Variants in THUMPD1 observed in about 807,000 individuals in gnomAD.
THUMPD1 encodes THUMP domain 1 NAT10 acetyltransferase adaptor.
In THUMPD1, 31 loss-of-function variants were observed where a neutral mutation model predicts 31.6. The observed-to-expected ratio is 0.98, with a 90% CI of 0.74 to 1.32. The LOEUF is 1.32. Ranked by LOEUF, THUMPD1 falls within the 40% of genes most tolerant of loss-of-function variation. The probability of loss-of-function intolerance (pLI) is 0.00; values close to 1 mark genes in which losing one functional copy is unlikely to be tolerated. For synonymous variants in THUMPD1, 166 were observed against 158.2 expected, an observed-to-expected ratio of 1.05 and a Z score of -0.37; for missense variants, 446 against 427.8, an observed-to-expected ratio of 1.04 and a Z score of -0.38.
Position 20,737,299 on chromosome 16 carries a change from C to G in THUMPD1, c.656-13G>C. ...GTGCACACTATTCCTGTAACAAAAA[C>G]AGAAAAACACATAGCTGAGGAGGAT... On this transcript the variant is annotated splice_polypyrimidine_tract_variant and intron_variant, in intron 3 of 3. Transcript: ENST00000396083. 6.3e-7 allele frequency: 1 copy of G among 1,592,776 alleles called. No homozygotes were observed.
At position 20,736,969 on chromosome 16, in the gene THUMPD1, G is replaced by A; in HGVS notation, c.973C>T (p.Pro325Ser). 1 of 1,614,104 alleles carries A rather than the reference G, an allele frequency of 6.2e-7. No homozygotes were observed. Among genetic ancestry groups the A allele is most frequent in the Middle Eastern group, 1.6e-4 (1 of 6,062 alleles). ...ELGQTKPTSN[P>S]QVVNEGGAKP... ...GCTCCTCCCTCATTTACCACCTGTG[G>A]ATTAGACGTTGGTTTTGTCTGCCCC... Residue 325 changes from proline (P) to serine (S), a missense_variant, in exon 4 of 4, where the codon CCA becomes TCA. By Grantham distance (74) the Pro-to-Ser change is moderately conservative (BLOSUM62 -1). Transcript: ENST00000396083.
At position 20,736,137 on chromosome 16, in the gene THUMPD1, A is replaced by G. The variant is rs1329278186; in HGVS notation, c.*743T>C. The G allele has an allele frequency of 1.3e-5, 2 of 152,360 alleles. No individual in the cohort carries two copies. Among genetic ancestry groups the G allele is most frequent in the East Asian group, 1.9e-4 (1 of 5,184 alleles). The allele number at this position is 152,360 out of a possible 1,614,324, so 9.4% of individuals were successfully genotyped here. ...TGTCACAGACAATGCACAATGGGACAGGAGAGCTTGGACTGAGTCCACATA... is the reference window on the plus strand; with the variant it reads ...TGTCACAGACAATGCACAATGGGACGGGAGAGCTTGGACTGAGTCCACATA... On this transcript the variant is annotated 3_prime_UTR_variant, in exon 4 of 4. Coordinates refer to ENST00000396083, the MANE Select transcript of THUMPD1 (RefSeq NM_017736.5).
chr16:20,735,921 T>C lies in THUMPD1; in HGVS notation c.*959A>G, dbSNP rs1374975870. On this transcript the variant is annotated 3_prime_UTR_variant, in exon 4 of 4. Transcript: ENST00000396083. Reference sequence around the variant, plus strand: ...AATGTTATTAGATTCTCACCAACCATGCATATTTTCCTTTCCTGAGATAAG... The same window carrying C: ...AATGTTATTAGATTCTCACCAACCACGCATATTTTCCTTTCCTGAGATAAG... The C allele has an allele frequency of 2.0e-5, 3 of 152,096 alleles. No homozygotes were observed. Among genetic ancestry groups the C allele is most frequent in the Non-Finnish European group, 2.9e-5 (2 of 68,034 alleles). 9.4% of individuals were successfully genotyped at this position (152,096 alleles called of 1,614,324 possible).
In THUMPD1 at chr16:20,734,116, ATATAAAAGACAATT is replaced by A. The variant is rs2079848630; in HGVS notation, c.*2750_*2763del. The A allele has an allele frequency of 8.6e-6, 1 of 115,942 alleles. No individual in the cohort carries two copies. Among genetic ancestry groups the A allele is most frequent in the Admixed American group, 8.1e-5 (1 of 12,410 alleles). The allele number at this position is 115,942 out of a possible 1,614,324, so 7.2% of individuals were successfully genotyped here. A position where few individuals can be genotyped will look rare whatever the true frequency, so the allele number is the denominator to read the frequency against. On this transcript the variant is annotated 3_prime_UTR_variant, in exon 4 of 4. Transcript: ENST00000396083. ...ACCGATTCTTACCAAATACAAATAA[ATATAAAAGACAATT>A]TAAAAACAAACTGTATAATCAAAAT...
At chr16:20,741,201 C>T (rs959185349) in intron 1 of THUMPD1, among the ~76,000 whole-genome samples, 1 of 152,280 alleles carries the variant, frequency 6.6e-6, no homozygotes, top group South Asian at 2.1e-4. Context: ...GCTATCATCA[C>T]GCCACTGCAC....
intron 1 of THUMPD1, 30 bp downstream of exon 1, chr16:20,741,479 C>CAGGGGGG: frequency 7.5e-7 from 1 of 1,329,524 alleles, no homozygotes; most frequent in Non-Finnish European, 9.8e-7. Flanking sequence ...GCCTGGCAGC[C>CAGGGGGG]GGCCCGCCCG....
chr16:20,737,593 A>G, intron 3 of THUMPD1, 115 bp downstream of exon 3: 1 of 1,056,146 alleles, frequency 9.5e-7, no homozygotes, highest in Non-Finnish European at 1.3e-6. Context: ...GAACATTTTA[A>G]TATATTTGTT....
intron 1 of THUMPD1, among the ~76,000 whole-genome samples, chr16:20,739,869 C>T (rs2079902372): frequency 6.6e-6 from 1 of 151,298 alleles, no homozygotes; most frequent in Admixed American, 6.6e-5. Context: ...GGAATTCCCG[C>T]AGACTATAGA....
At position 20,735,357 on chromosome 16, in the gene THUMPD1, C is replaced by T. The variant is rs1001731792; in HGVS notation, c.*1523G>A. ...TGCAGGAGGTTTATGTGCTGTCTGT[C>T]CAGGTTTTTGTTTTGGGTGTTTTTT... On this transcript the variant is annotated 3_prime_UTR_variant, in exon 4 of 4. Transcript: ENST00000396083. The T allele has an allele frequency of 6.9e-6, 1 of 145,190 alleles. No individual in the cohort carries two copies. Among genetic ancestry groups the T allele is most frequent in the African/African-American group, 2.5e-5 (1 of 39,970 alleles). 9.0% of individuals were successfully genotyped at this position (145,190 alleles called of 1,614,324 possible).
Position 20,741,490 on chromosome 16 carries a change from C to A in THUMPD1, c.231+19G>T. ...CAAGGCCTGGCAGCCGGCCCGCCCG[C>A]CCACCCCGGGACCGGTACCTTTTCT... On this transcript the variant is annotated intron_variant, in intron 1 of 3. Transcript: ENST00000396083. 4.7e-6 allele frequency: 1 copy of A among 210,614 alleles called. No homozygotes were observed. Among genetic ancestry groups the A allele is most frequent in the Non-Finnish European group, 9.5e-6 (1 of 105,090 alleles). The allele number at this position is 210,614 out of a possible 1,614,324, so 13.0% of individuals were successfully genotyped here. A position where few individuals can be genotyped will look rare whatever the true frequency, so the allele number is the denominator to read the frequency against.
rs1250850064 is a variant in THUMPD1, at chr16:20,738,859, G to T, written c.406+38C>A. 7.5e-6 allele frequency: 12 copies of T among 1,605,636 alleles called. No individual in the cohort carries two copies. In the Admixed American group the frequency reaches 1.2e-4, roughly 16 times the overall value. ...CCCTGAGACAGGAAGATACCCAGAT[G>T]TTATGAGATCGATAATCTTAGCAAG... On this transcript the variant is annotated intron_variant, in intron 2 of 3. Transcript: ENST00000396083.
At chr16:20,738,723 T>A in intron 2 of THUMPD1, 174 bp downstream of exon 2, 1 of 692,588 alleles carries the variant, frequency 1.4e-6, no homozygotes, top group Non-Finnish European at 2.4e-6. Context: ...CAATGCTACG[T>A]CCACCACCCC....
At chr16:20,741,481 G>GGGGGGGGGGGGGGGCCC in intron 1 of THUMPD1, 28 bp downstream of exon 1, 9 of 1,308,414 alleles carry the variant, frequency 6.9e-6, no homozygotes, top group East Asian at 3.2e-5. Context: ...CTGGCAGCCG[G>GGGGGGGGGGGGGGGCCC]CCCGCCCGCC....
chr16:20,741,479 C>CGGGGGGGGGGGGG (rs1483855513), intron 1 of THUMPD1, 30 bp downstream of exon 1: 702 of 1,329,150 alleles, frequency 5.3e-4, no homozygotes, highest in East Asian at 1.5e-3. Flanking sequence ...GCCTGGCAGC[C>CGGGGGGGGGGGGG]GGCCCGCCCG....
Position 20,736,497 on chromosome 16 carries a change from C to A in THUMPD1, c.*383G>T, listed in dbSNP as rs578099290. The A allele has an allele frequency of 2.5e-4, 44 of 179,146 alleles. No homozygotes were observed. Among genetic ancestry groups the A allele is most frequent in the Non-Finnish European group, 4.2e-4 (36 of 85,082 alleles). 11.1% of individuals were successfully genotyped at this position (179,146 alleles called of 1,614,324 possible). A position where few individuals can be genotyped will look rare whatever the true frequency, so the allele number is the denominator to read the frequency against. ...TTTTGCAATGTTTACAACAAAGTGG[C>A]AGGCAGACAGCTGAGCTGTGGCATG... On this transcript the variant is annotated 3_prime_UTR_variant, in exon 4 of 4. Coordinates refer to ENST00000396083, the MANE Select transcript of THUMPD1 (RefSeq NM_017736.5).
intron 2 of THUMPD1, among the ~76,000 whole-genome samples, chr16:20,738,520 C>T (rs2079890574): frequency 6.6e-6 from 1 of 152,124 alleles, no homozygotes; most frequent in East Asian, 1.9e-4. Flanking sequence ...TAGTTGACCA[C>T]ACTGAAAAAC....
rs1477711855 is a variant in THUMPD1, at chr16:20,736,304, T to C, written c.*576A>G. On this transcript the variant is annotated 3_prime_UTR_variant, in exon 4 of 4. Transcript: ENST00000396083. ...AATGTCTGTAGTTCTATGCCTAAAATGGTTCTCGTCTCTCTCACATCTTGC... is the reference window on the plus strand; with the variant it reads ...AATGTCTGTAGTTCTATGCCTAAAACGGTTCTCGTCTCTCTCACATCTTGC... The C allele has an allele frequency of 4.0e-5, 6 of 151,304 alleles. No homozygotes were observed. The highest frequency in any genetic ancestry group is 9.7e-5 in the African/African-American group (4 of 41,030). The allele number at this position is 151,304 out of a possible 1,614,324, so 9.4% of individuals were successfully genotyped here.
rs1381713994 is a variant in THUMPD1, at chr16:20,735,668, A to G, written c.*1212T>C. 1.3e-5 allele frequency: 2 copies of G among 152,112 alleles called. No individual in the cohort carries two copies. Among genetic ancestry groups the G allele is most frequent in the East Asian group, 3.8e-4 (2 of 5,198 alleles). The allele number at this position is 152,112 out of a possible 1,614,324, so 9.4% of individuals were successfully genotyped here. ...TTGGCCTTTGTTCTGGCAGGCTCCT[A>G]GCAATAGAAAAAGTTTTCTTTGAAT... On this transcript the variant is annotated 3_prime_UTR_variant, in exon 4 of 4. Transcript: ENST00000396083.
At chr16:20,738,725 C>A in intron 2 of THUMPD1, 172 bp downstream of exon 2, 1 of 698,662 alleles carries the variant, frequency 1.4e-6, no homozygotes, top group Non-Finnish European at 2.4e-6. Flanking sequence ...ATGCTACGTC[C>A]ACCACCCCAT....
Sources: allele counts gnomAD v4.1 joint callset (sites outside exome capture counted in the v4.1 genomes callset), GRCh38; gene constraint gnomAD v4.1.1; transcripts MANE v1.5; gene names NCBI Gene and HGNC (gene_info 2026-07-23, HGNC 2026-07-21).